PDE4D: variants seen among roughly 807,000 people sequenced by gnomAD.
PDE4D encodes the protein 3',5'-cyclic-AMP phosphodiesterase 4D.
In PDE4D, 24 loss-of-function variants were observed where a neutral mutation model predicts 87.4. That is an observed-to-expected ratio of 0.27 (90% CI 0.20 to 0.39). The LOEUF (loss-of-function observed/expected upper bound fraction) is 0.39, where lower values mean the gene tolerates loss of function less well. Among genes scored for constraint, PDE4D ranks in the 10% least tolerant of loss-of-function variants. PDE4D has a pLI of 1.00. For synonymous variants in PDE4D, 384 were observed against 383.2 expected (o/e 1.00, Z -0.02); for missense variants, 714 against 1,041.0 (o/e 0.69, Z 4.32).
chr5:59,981,246 C>T (rs1456170660), intron 3 of PDE4D, among the ~76,000 whole-genome samples: 2 of 151,834 alleles, frequency 1.3e-5, no homozygotes, highest in African/African-American at 4.8e-5. Context: ...AGCAAGACTC[C>T]GTTTCAAAAA....
At chr5:60,458,386 C>CAAAAAAAA (rs61006284) in intron 1 of PDE4D, among the ~76,000 whole-genome samples, 6 of 75,174 alleles carry the variant, frequency 8.0e-5, no homozygotes, top group South Asian at 5.9e-4. Context: ...GACTTCATTG[C>CAAAAAAAA]AAAAAAAAAA....
intron 1 of PDE4D, among the ~76,000 whole-genome samples, chr5:60,388,458 A>G (rs1485280975): frequency 6.6e-6 from 1 of 151,782 alleles, no homozygotes; most frequent in African/African-American, 2.4e-5. Flanking sequence ...TACATGTGCC[A>G]TGGTGGTTTG....
chr5:59,277,797 C>A (rs1294047587), intron 1 of PDE4D, among the ~76,000 whole-genome samples: 2 of 152,194 alleles, frequency 1.3e-5, no homozygotes, highest in Non-Finnish European at 2.9e-5. Flanking sequence ...CACACACACA[C>A]AAGTTTAGTG....
At chr5:59,430,086 C>T (rs1582564446) in intron 1 of PDE4D, among the ~76,000 whole-genome samples, 2 of 152,130 alleles carry the variant, frequency 1.3e-5, no homozygotes. Flanking sequence ...AATCTACAGA[C>T]CTTGAAACCA....
At chr5:59,047,899 C>T (rs1171554908) in intron 5 of PDE4D, among the ~76,000 whole-genome samples, 1 of 152,190 alleles carries the variant, frequency 6.6e-6, no homozygotes, top group African/African-American at 2.4e-5. Flanking sequence ...CAGTCTGCAA[C>T]CCTGAAGATG....
At chr5:60,229,204 A>G (rs773937114) in intron 1 of PDE4D, among the ~76,000 whole-genome samples, 3 of 152,160 alleles carry the variant, frequency 2.0e-5, no homozygotes, top group Non-Finnish European at 4.4e-5. Flanking sequence ...CTCACCATTC[A>G]TAAAAAATAA....
chr5:60,351,811 T>C (rs1759223493), intron 1 of PDE4D, among the ~76,000 whole-genome samples: 1 of 145,646 alleles, frequency 6.9e-6, no homozygotes, highest in Non-Finnish European at 1.5e-5. Flanking sequence ...ATTTATTTAT[T>C]TATTTATTTT....
intron 1 of PDE4D, among the ~76,000 whole-genome samples, chr5:59,498,199 A>G (rs1185712058): frequency 6.6e-6 from 1 of 151,690 alleles, no homozygotes; most frequent in Non-Finnish European, 1.5e-5. Flanking sequence ...ACAAAAGGAA[A>G]GGATGATCCT....
At chr5:59,290,944 G>A (rs1767888714) in intron 1 of PDE4D, among the ~76,000 whole-genome samples, 1 of 152,032 alleles carries the variant, frequency 6.6e-6, no homozygotes, top group South Asian at 2.1e-4. Flanking sequence ...ATGCTGGTGA[G>A]GATGTAAAGA....
At chr5:59,626,618 T>G (rs140082416) in intron 1 of PDE4D, among the ~76,000 whole-genome samples, 468 of 152,276 alleles carry the variant, frequency 3.1e-3, no homozygotes, top group African/African-American at 0.011. Context: ...AATGCTAAAC[T>G]AAAATAGAAG....
chr5:59,440,249 G>A (rs1371701973), intron 1 of PDE4D, among the ~76,000 whole-genome samples: 1 of 152,114 alleles, frequency 6.6e-6, no homozygotes, highest in Non-Finnish European at 1.5e-5. Flanking sequence ...AGGCAATAAT[G>A]GAAAACATAA....
chr5:59,589,563 G>A (rs146717843), intron 1 of PDE4D, among the ~76,000 whole-genome samples: 343 of 152,178 alleles, frequency 2.3e-3, no homozygotes, highest in African/African-American at 8.0e-3. Flanking sequence ...TTTTTAAAAA[G>A]ATGTAAAAAT....
At chr5:59,529,071 C>A in intron 1 of PDE4D, 1 of 468,588 alleles carries the variant, frequency 2.1e-6, no homozygotes, top group East Asian at 5.7e-5. Context: ...ATTCGTTGGA[C>A]CTATGCAAGA....
At chr5:60,475,982 T>A (rs1748288148) in intron 1 of PDE4D, among the ~76,000 whole-genome samples, 1 of 152,138 alleles carries the variant, frequency 6.6e-6, no homozygotes, top group Admixed American at 6.6e-5. Flanking sequence ...TTACCAGAGT[T>A]ATCCTTCACT....
chr5:59,572,699 C>G (rs1285415202), intron 1 of PDE4D, among the ~76,000 whole-genome samples: 1 of 152,202 alleles, frequency 6.6e-6, no homozygotes, highest in Non-Finnish European at 1.5e-5. Flanking sequence ...CCAAGATGGT[C>G]TCGATCTCCT....
At position 60,452,103 on chromosome 5, in the gene PDE4D, A is replaced by T. The variant is rs372668696; in HGVS notation, c.-90+35839T>A. 1.3e-4 allele frequency among the ~76,000 whole-genome samples: 20 copies of T among 152,258 alleles called. No individual in the cohort carries two copies. In the South Asian group the frequency reaches 2.3e-3, roughly 17 times the overall value. ...TTCCTTCTCTTGGAAAGAATTAATA[A>T]GCAGTTAAATGAGAAATGATAAGAA... On this transcript the variant is annotated intron_variant, in intron 1 of 16. Transcript: ENST00000502484.
chr5:60,024,395 T>C (rs1221525790), intron 2 of PDE4D, among the ~76,000 whole-genome samples: 1 of 152,226 alleles, frequency 6.6e-6, no homozygotes, highest in African/African-American at 2.4e-5. Flanking sequence ...CTAGAGATTC[T>C]AACTTTAGAG....
intron 2 of PDE4D, among the ~76,000 whole-genome samples, chr5:60,109,672 T>G (rs1369179323): frequency 6.6e-6 from 1 of 152,166 alleles, no homozygotes; most frequent in African/African-American, 2.4e-5. Flanking sequence ...CATGGAATAA[T>G]AAGCAGACAT....
chr5:59,954,441 T>C (rs1480925286), intron 3 of PDE4D, among the ~76,000 whole-genome samples: 1 of 152,188 alleles, frequency 6.6e-6, no homozygotes, highest in East Asian at 1.9e-4. Context: ...TTGGCAGTTA[T>C]TTGAGCAGGA....
Sources: gnomAD v4.1 joint callset for allele counts (sites outside exome capture counted in the v4.1 genomes callset) on GRCh38, gnomAD v4.1.1 for gene constraint, MANE v1.5 for transcripts, NCBI Gene and HGNC (gene_info 2026-07-23, HGNC 2026-07-21) for gene names.